The following MYO3B variants were observed in gnomAD, a reference collection of about 807,000 sequenced individuals.
The protein encoded by MYO3B is myosin IIIB, also known as myosin-IIIb.
MYO3B carries 156 observed loss-of-function variants against 174.6 expected under a neutral mutation model. That is an observed-to-expected ratio of 0.89 (90% CI 0.78 to 1.02). The LOEUF (loss-of-function observed/expected upper bound fraction) is 1.02, where lower values mean the gene tolerates loss of function less well. MYO3B is among the 50% of genes least tolerant of loss of function. The pLI is 0.00. For synonymous variants in MYO3B, 563 were observed against 569.1 expected, an observed-to-expected ratio of 0.99 and a Z score of 0.15; for missense variants, 1,632 against 1,639.4, an observed-to-expected ratio of 1.00 and a Z score of 0.08.
intron 32 of MYO3B, among the ~76,000 whole-genome samples, chr2:170,636,318 T>TAA (rs1433626977): frequency 2.6e-5 from 4 of 151,960 alleles, no homozygotes; most frequent in Non-Finnish European, 5.9e-5. Flanking sequence ...GAAGATAACC[T>TAA]AACTTCCAAG....
At chr2:170,329,130 C>T (rs370136826) in intron 7 of MYO3B, among the ~76,000 whole-genome samples, 16 of 148,738 alleles carry the variant, frequency 1.1e-4, no homozygotes, top group East Asian at 3.9e-4. Context: ...CCATCCTGGG[C>T]GACTGAGTGA....
intron 6 of MYO3B, among the ~76,000 whole-genome samples, chr2:170,235,489 G>A (rs574173300): frequency 6.6e-6 from 1 of 152,318 alleles, no homozygotes; most frequent in East Asian, 1.9e-4. Flanking sequence ...TTAGAAAAAG[G>A]GAAGGGTGGA....
intron 8 of MYO3B, among the ~76,000 whole-genome samples, chr2:170,365,463 A>T (rs543352399): frequency 2.5e-4 from 38 of 152,270 alleles, no homozygotes; most frequent in Middle Eastern, 3.4e-3. Flanking sequence ...TATTGTGGCT[A>T]GTTCTAGTGC....
intron 32 of MYO3B, among the ~76,000 whole-genome samples, chr2:170,645,908 A>G (rs977245168): frequency 2.0e-5 from 3 of 152,190 alleles, no homozygotes; most frequent in Admixed American, 6.5e-5. Context: ...ATATGAAACA[A>G]TTTTTATATC....
At chr2:170,449,929 T>C (rs981973270) in intron 23 of MYO3B, among the ~76,000 whole-genome samples, 2 of 152,220 alleles carry the variant, frequency 1.3e-5, no homozygotes, top group African/African-American at 4.8e-5. Context: ...ATCAGAGACC[T>C]GCATTCAAGA....
chr2:170,524,568 C>A, intron 30 of MYO3B: 1 of 427,138 alleles, frequency 2.3e-6, no homozygotes, highest in Non-Finnish European at 4.7e-6. Context: ...ACTGCAACCT[C>A]CGCCCTCTGG....
chr2:170,343,765 T>G (rs2105570777), intron 8 of MYO3B: 1 of 152,370 alleles, frequency 6.6e-6, no homozygotes, highest in South Asian at 2.1e-4. Context: ...TAAAGTCAAA[T>G]TGTATTCTAG....
intron 32 of MYO3B, among the ~76,000 whole-genome samples, chr2:170,569,465 T>C (rs1159308274): frequency 6.6e-6 from 1 of 152,094 alleles, no homozygotes; most frequent in African/African-American, 2.4e-5. Context: ...AAGAGCCATT[T>C]CCTTCCTGGA....
chr2:170,287,033 T>C (rs1258654630), intron 7 of MYO3B, among the ~76,000 whole-genome samples: 3 of 152,136 alleles, frequency 2.0e-5, no homozygotes, highest in African/African-American at 7.2e-5. Flanking sequence ...TCCAGTTCTA[T>C]CCATGTTGCT....
At chr2:170,588,627 G>A (rs186419862) in intron 32 of MYO3B, among the ~76,000 whole-genome samples, 1 of 152,100 alleles carries the variant, frequency 6.6e-6, no homozygotes, top group South Asian at 2.1e-4. Flanking sequence ...TTTTATTGAC[G>A]ATCTTTATCC....
intron 30 of MYO3B, among the ~76,000 whole-genome samples, chr2:170,539,085 G>T (rs1011162180): frequency 8.5e-5 from 13 of 152,094 alleles, no homozygotes; most frequent in African/African-American, 3.1e-4. Context: ...TCCAGGCCAG[G>T]ATCCGATCTA....
intron 30 of MYO3B, among the ~76,000 whole-genome samples, chr2:170,539,009 T>C (rs1295155069): frequency 6.6e-6 from 1 of 152,212 alleles, no homozygotes; most frequent in Non-Finnish European, 1.5e-5. Context: ...TTCCTTAATA[T>C]CGTCCCATAC....
chr2:170,224,330 G>A (rs188301150), intron 6 of MYO3B, among the ~76,000 whole-genome samples: 1 of 152,330 alleles, frequency 6.6e-6, no homozygotes, highest in Admixed American at 6.5e-5. Flanking sequence ...TATTGAAGCT[G>A]TTTGGCTTTT....
chr2:170,341,156 T>C (rs1028465385), intron 8 of MYO3B: 11 of 152,234 alleles, frequency 7.2e-5, no homozygotes. Flanking sequence ...AACATTTGCG[T>C]TCACTGTAGG....
At chr2:170,604,074 C>T (rs974627059) in intron 32 of MYO3B, among the ~76,000 whole-genome samples, 5 of 152,078 alleles carry the variant, frequency 3.3e-5, no homozygotes, top group Non-Finnish European at 7.4e-5. Context: ...TAGACTATAC[C>T]ATCTATGTTT....
At position 170,602,792 on chromosome 2, in the gene MYO3B, C is replaced by T. The variant is rs182878684; in HGVS notation, c.3734-48836C>T. ...ATCTTTAAGAATGACTTCTGCCAGG[C>T]GCAGTGACTCACACCTGTAGTCCCA... is the stretch of plus-strand genomic sequence containing the variant. On this transcript the variant is annotated intron_variant, in intron 32 of 34. Transcript: ENST00000408978. Among the ~76,000 whole-genome samples the T allele has an allele frequency of 2.0e-3, 312 of 152,300 alleles. 4 individuals carry two copies. The highest frequency in any genetic ancestry group is 7.1e-3 in the African/African-American group (294 of 41,558).
intron 32 of MYO3B, among the ~76,000 whole-genome samples, chr2:170,627,927 G>T (rs1296304066): frequency 1.3e-5 from 2 of 152,174 alleles, no homozygotes; most frequent in African/African-American, 4.8e-5. Flanking sequence ...TCTCAGAGGG[G>T]TACCTCGCCA....
At chr2:170,179,614 T>G (rs2092372569) in intron 1 of MYO3B, among the ~76,000 whole-genome samples, 1 of 152,180 alleles carries the variant, frequency 6.6e-6, no homozygotes, top group Non-Finnish European at 1.5e-5. Flanking sequence ...TCTCACTATG[T>G]GAGACCTTCC....
intron 7 of MYO3B, among the ~76,000 whole-genome samples, chr2:170,309,417 G>A (rs2093722962): frequency 6.6e-6 from 1 of 151,696 alleles, no homozygotes; most frequent in Non-Finnish European, 1.5e-5. Context: ...TCTCCCCACC[G>A]CTACCCTGAA....
Sources: gnomAD v4.1 joint callset for allele counts (sites outside exome capture counted in the v4.1 genomes callset) on GRCh38, gnomAD v4.1.1 for gene constraint, MANE v1.5 for transcripts, NCBI Gene and HGNC (gene_info 2026-07-23, HGNC 2026-07-21) for gene names.